MYO1D: variants seen among roughly 807,000 people sequenced by gnomAD.
The protein encoded by MYO1D is unconventional myosin-Id.
A neutral mutation model predicts 122.0 loss-of-function variants in MYO1D; 83 were observed. The observed-to-expected ratio is 0.68, with a 90% CI of 0.57 to 0.82. The LOEUF is 0.82. MYO1D is among the 40% of genes least tolerant of loss of function. The probability of loss-of-function intolerance (pLI) is 0.00; values close to 1 mark genes in which losing one functional copy is unlikely to be tolerated. For synonymous variants in MYO1D, 464 were observed against 446.9 expected, an observed-to-expected ratio of 1.04 and a Z score of -0.48; for missense variants, 1,157 against 1,269.5, an observed-to-expected ratio of 0.91 and a Z score of 1.35.
chr17:32,737,270 T>C (rs928219213), intron 14 of MYO1D, among the ~76,000 whole-genome samples: 1 of 152,212 alleles, frequency 6.6e-6, no homozygotes, highest in African/African-American at 2.4e-5. Context: ...GGTAGAAATA[T>C]GTTCTTTAAG....
At chr17:32,808,650 C>A (rs1190861864) in intron 1 of MYO1D, among the ~76,000 whole-genome samples, 2 of 152,126 alleles carry the variant, frequency 1.3e-5, no homozygotes, top group Non-Finnish European at 2.9e-5. Flanking sequence ...TTGGGGTTAA[C>A]CAGGTCATCA....
chr17:32,641,868 C>T (rs2088206110), intron 19 of MYO1D, among the ~76,000 whole-genome samples: 1 of 151,982 alleles, frequency 6.6e-6, no homozygotes, highest in African/African-American at 2.4e-5. Flanking sequence ...AAATTTTCTC[C>T]CATTCTGTAG....
At chr17:32,565,606 G>A (rs2150892764) in intron 21 of MYO1D, among the ~76,000 whole-genome samples, 1 of 152,284 alleles carries the variant, frequency 6.6e-6, no homozygotes, top group East Asian at 1.9e-4. Context: ...ATCTACTCAG[G>A]ACTGAACTGA....
intron 1 of MYO1D, among the ~76,000 whole-genome samples, chr17:32,870,479 G>C (rs768498440): frequency 1.3e-5 from 2 of 151,836 alleles, no homozygotes; most frequent in Non-Finnish European, 2.9e-5. Context: ...AAAGAATACA[G>C]GGGTGGTGTG....
intron 1 of MYO1D, among the ~76,000 whole-genome samples, chr17:32,858,681 A>C (rs1251982187): frequency 6.6e-6 from 1 of 152,226 alleles, no homozygotes. Context: ...TTAAGGTAGC[A>C]TCTGTCAGGC....
rs191479499 is a variant in MYO1D at position 32,767,767 on chromosome 17, G to A, written c.715-15C>T. 40 of 1,537,686 alleles carry A rather than the reference G, an allele frequency of 2.6e-5. No individual in the cohort carries two copies. The African/African-American group carries it at 4.5e-4, about 17-fold the overall frequency. ...TTGATAGAAGACTGGGGATGAAAAT[G>A]AAAAACTGAAGTTACAGATATTTCC... On this transcript the variant is annotated splice_polypyrimidine_tract_variant and intron_variant, in intron 6 of 21. Coordinates refer to ENST00000318217, the MANE Select transcript of MYO1D (RefSeq NM_015194.3).
At chr17:32,655,845 G>A (rs1193147344) in intron 17 of MYO1D, among the ~76,000 whole-genome samples, 1 of 152,160 alleles carries the variant, frequency 6.6e-6, no homozygotes, top group Non-Finnish European at 1.5e-5. Context: ...GGCTATTTCC[G>A]AAACACACAT....
chr17:32,526,020 G>T (rs181412933), intron 21 of MYO1D, among the ~76,000 whole-genome samples: 1 of 152,322 alleles, frequency 6.6e-6, no homozygotes, highest in East Asian at 1.9e-4. Context: ...CTCTTTTCCA[G>T]ATCAACTTCT....
chr17:32,536,675 A>G (rs1449679897), intron 21 of MYO1D, among the ~76,000 whole-genome samples: 1 of 152,250 alleles, frequency 6.6e-6, no homozygotes, highest in African/African-American at 2.4e-5. Context: ...GATAGTATGA[A>G]TAAGAAAATA....
chr17:32,553,632 G>C (rs225187), intron 21 of MYO1D, among the ~76,000 whole-genome samples: 3 of 152,006 alleles, frequency 2.0e-5, no homozygotes, highest in Non-Finnish European at 4.4e-5. Context: ...TTTTTCTCTC[G>C]GCACTGCTGT....
chr17:32,833,641 A>C (rs1326980409), intron 1 of MYO1D, among the ~76,000 whole-genome samples: 2 of 152,052 alleles, frequency 1.3e-5, no homozygotes, highest in African/African-American at 2.4e-5. Flanking sequence ...GGCCTTCCTG[A>C]CCCTGATCCA....
intron 1 of MYO1D, among the ~76,000 whole-genome samples, chr17:32,829,426 G>C (rs1202918267): frequency 1.3e-5 from 2 of 152,144 alleles, no homozygotes; most frequent in East Asian, 3.9e-4. Context: ...TACTTTCTAG[G>C]GGTAGGAACT....
chr17:32,776,024 T>C lies in MYO1D; in HGVS notation c.404A>G (p.Lys135Arg). ...ACAGTTGGACTTAAGCAACATATTC[T>C]TCACTCTTTAACACAGATAAATGAA... is the stretch of plus-strand genomic sequence containing the variant. ...PSQRAEVERV[K>R]NMLLKSNCVL... The change falls in exon 4 of 22, where the codon AAG (lysine) becomes AGG (arginine). Residue 135 changes from lysine (K) to arginine (R), a missense_variant. Physicochemically the swap from Lys to Arg is conservative, Grantham distance 26 (BLOSUM62 2). Transcript: ENST00000318217. The C allele has an allele frequency of 1.9e-6, 3 of 1,613,420 alleles. No individual in the cohort carries two copies. The highest frequency in any genetic ancestry group is 2.5e-6 in the Non-Finnish European group (3 of 1,179,676).
intron 1 of MYO1D, among the ~76,000 whole-genome samples, chr17:32,789,527 C>T (rs1283345836): frequency 3.9e-5 from 6 of 152,198 alleles, no homozygotes. Context: ...AAAAAACACA[C>T]ATCATTACTG....
intron 19 of MYO1D, among the ~76,000 whole-genome samples, chr17:32,639,769 T>C (rs1234012959): frequency 2.0e-5 from 3 of 152,200 alleles, no homozygotes; most frequent in African/African-American, 7.2e-5. Context: ...TTTCAGTAAC[T>C]AGAAGGAAAA....
At chr17:32,702,849 C>G (rs2089264767) in intron 16 of MYO1D, among the ~76,000 whole-genome samples, 1 of 152,158 alleles carries the variant, frequency 6.6e-6, no homozygotes, top group African/African-American at 2.4e-5. Context: ...ATGCTACAAG[C>G]TGCGAGCCAC....
intron 21 of MYO1D, chr17:32,497,610 G>T (rs777135142): frequency 8.5e-5 from 13 of 152,370 alleles, no homozygotes; most frequent in Non-Finnish European, 1.8e-4. Context: ...CTGTCAGTAG[G>T]TCCTGTGGAG....
At chr17:32,730,721 G>A (rs1314836548) in intron 14 of MYO1D, among the ~76,000 whole-genome samples, 2 of 152,090 alleles carry the variant, frequency 1.3e-5, no homozygotes, top group South Asian at 2.1e-4. Flanking sequence ...TTTACTAGGT[G>A]TCTATATGCA....
chr17:32,634,102 G>C (rs963112164), intron 20 of MYO1D, among the ~76,000 whole-genome samples: 2 of 152,194 alleles, frequency 1.3e-5, no homozygotes, highest in Non-Finnish European at 2.9e-5. Context: ...TTTAGTTATT[G>C]AGGGTGTGAT....
Sources: allele counts gnomAD v4.1 joint callset (sites outside exome capture counted in the v4.1 genomes callset), GRCh38; gene constraint gnomAD v4.1.1; transcripts MANE v1.5; gene names NCBI Gene and HGNC (gene_info 2026-07-23, HGNC 2026-07-21).